RFX7: variants seen among roughly 807,000 people sequenced by gnomAD.
RFX7 encodes regulatory factor X7, also known as DNA-binding protein RFX7.
In RFX7, 26 loss-of-function variants were observed where a neutral mutation model predicts 111.8. That is an observed-to-expected ratio of 0.23 (90% CI 0.17 to 0.32). RFX7 has a LOEUF of 0.32. Ranked by LOEUF, RFX7 falls within the 10% of genes least tolerant of loss-of-function variation. RFX7 has a pLI of 1.00. For synonymous variants in RFX7, 624 were observed against 624.4 expected (o/e 1.00, Z 0.01); for missense variants, 1,573 against 1,772.9 (o/e 0.89, Z 2.02).
At position 56,090,468 on chromosome 15, in the gene RFX7, T is replaced by C. The variant is rs917758615; in HGVS notation, c.*2877A>G. 6.6e-6 allele frequency: 1 copy of C among 152,580 alleles called. No individual in the cohort carries two copies. Among genetic ancestry groups the C allele is most frequent in the African/African-American group, 2.4e-5 (1 of 41,458 alleles). 9.5% of individuals were successfully genotyped at this position (152,580 alleles called of 1,614,324 possible). ...TAATGACATCAAAGGAAGAATAACA[T>C]TGGGTCTGTTTACAAAATGTGTTGC... On this transcript the variant is annotated 3_prime_UTR_variant, in exon 10 of 10. Transcript: ENST00000559447.
chr15:56,151,240 C>A (rs982884427), intron 3 of RFX7, among the ~76,000 whole-genome samples: 1 of 151,980 alleles, frequency 6.6e-6, no homozygotes, highest in Non-Finnish European at 1.5e-5. Flanking sequence ...GAAGAGCAAC[C>A]CCAAGACACA....
At chr15:56,167,279 C>G (rs2042794380) in intron 3 of RFX7, among the ~76,000 whole-genome samples, 1 of 152,062 alleles carries the variant, frequency 6.6e-6, no homozygotes, top group Admixed American at 6.6e-5. Flanking sequence ...TGGCACTGCA[C>G]TCCAAACTGG....
chr15:56,094,157 A>G lies in RFX7; in HGVS notation c.3571T>C (p.Ser1191Pro). 1 of 1,613,942 alleles carries G rather than the reference A, an allele frequency of 6.2e-7. No individual in the cohort carries two copies. Among genetic ancestry groups the G allele is most frequent in the South Asian group, 1.1e-5 (1 of 91,086 alleles). Residue 1191 changes from serine (S) to proline (P), a missense_variant, in exon 10 of 10, where the codon TCT becomes CCT. By Grantham distance (74) the Ser-to-Pro change is moderately conservative. Around this residue, in one of 7 missense-constraint regions of RFX7, gnomAD observed 411 missense variants for 478.1 expected, o/e 0.86. Transcript: ENST00000559447. ...GGACTTCCAAAGGGGGTCACATTAG[A>G]TCGTGGGATATTAGATACTGGATAG... ...TLYPVSNIPRSNVTPFGSPVT... is the reference protein window; with the variant it reads ...TLYPVSNIPRPNVTPFGSPVT...
At chr15:56,226,613 A>G (rs1253153310) in intron 2 of RFX7, among the ~76,000 whole-genome samples, 1 of 152,194 alleles carries the variant, frequency 6.6e-6, no homozygotes, top group African/African-American at 2.4e-5. Context: ...GAGCTGAGAA[A>G]GAAAACCCAG....
In RFX7 at chr15:56,142,895, T is replaced by C; in HGVS notation, c.284A>G (p.Gln95Arg). The C allele has an allele frequency of 1.2e-6, 2 of 1,613,430 alleles. No homozygotes were observed. Among genetic ancestry groups the C allele is most frequent in the Non-Finnish European group, 1.7e-6 (2 of 1,179,664 alleles). Reference sequence around the variant, plus strand: ...TGCCCGACTAGATGACATGGCATTCTGATCACTAATAGAATGAAAACATGT... The same window carrying C: ...TGCCCGACTAGATGACATGGCATTCCGATCACTAATAGAATGAAAACATGT... The part of the protein sequence containing the change: ...SGLSNGEKSD[Q>R]NAMSSSRAQQ... Residue 95 changes from glutamine (Q) to arginine (R), a missense_variant, in exon 5 of 10, where the codon CAG (glutamine) becomes CGG (arginine). Transcript: ENST00000559447.
intron 2 of RFX7, among the ~76,000 whole-genome samples, chr15:56,227,246 T>C (rs569575145): frequency 2.6e-4 from 40 of 152,288 alleles, no homozygotes; most frequent in African/African-American, 9.4e-4. Flanking sequence ...AATGATAAAA[T>C]GAAATTGGTT....
chr15:56,154,929 A>T (rs912062157), intron 3 of RFX7, among the ~76,000 whole-genome samples: 2 of 152,208 alleles, frequency 1.3e-5, no homozygotes, highest in Non-Finnish European at 2.9e-5. Flanking sequence ...AAACAAACTT[A>T]CAAGAAAAAA....
chr15:56,102,932 CAA>C (rs2041776743), intron 6 of RFX7, among the ~76,000 whole-genome samples: 1 of 152,116 alleles, frequency 6.6e-6, no homozygotes, highest in Non-Finnish European at 1.5e-5. Flanking sequence ...CTCTATTTTA[CAA>C]TCTTCTTCTA....
chr15:56,187,840 T>C (rs533966479), intron 2 of RFX7, among the ~76,000 whole-genome samples: 1 of 152,030 alleles, frequency 6.6e-6, no homozygotes, highest in Admixed American at 6.6e-5. Context: ...AAACAAAAAG[T>C]CAACACTCAT....
At chr15:56,111,423 C>G (rs1315060212) in intron 5 of RFX7, among the ~76,000 whole-genome samples, 1 of 151,316 alleles carries the variant, frequency 6.6e-6, no homozygotes, top group Non-Finnish European at 1.5e-5. Context: ...GCAAGATGTG[C>G]TTTGTTAAAC....
At chr15:56,200,141 T>G (rs780892677) in intron 2 of RFX7, among the ~76,000 whole-genome samples, 1 of 152,166 alleles carries the variant, frequency 6.6e-6, no homozygotes, top group South Asian at 2.1e-4. Flanking sequence ...TGCCCTCTAG[T>G]GCTGAACCTT....
rs2043724505 is a variant in RFX7 at position 56,243,042 on chromosome 15, TC to T, written c.161+82del. 1.8e-4 allele frequency: 96 copies of T among 543,110 alleles called. 1 individual carries two copies. The highest frequency in any genetic ancestry group is 1.4e-3 in the South Asian group (89 of 64,674). 33.6% of individuals were successfully genotyped at this position (543,110 alleles called of 1,614,324 possible). A position where few individuals can be genotyped will look rare whatever the true frequency, so the allele number is the denominator to read the frequency against. On this transcript the variant is annotated intron_variant, in intron 2 of 9. Coordinates refer to ENST00000559447, the MANE Select transcript of RFX7 (RefSeq NM_022841.7). ...TGAATGCATCAGCCTCCTCCTCCGC[TC>T]CCCCCGCCCGCCGCCCCCCACCCAC...
intron 3 of RFX7, among the ~76,000 whole-genome samples, 196 bp from the exon 4 acceptor site, chr15:56,144,679 G>T (rs1567025888): frequency 6.6e-6 from 1 of 151,976 alleles, no homozygotes; most frequent in Admixed American, 6.5e-5. Flanking sequence ...TTTAATAAAA[G>T]AAAATGGCAC....
intron 2 of RFX7, among the ~76,000 whole-genome samples, chr15:56,218,464 T>G (rs989378670): frequency 6.6e-6 from 1 of 152,140 alleles, no homozygotes; most frequent in African/African-American, 2.4e-5. Context: ...GAAGAATGTA[T>G]GCAGTTACAT....
At chr15:56,139,349 G>A (rs1418225601) in intron 5 of RFX7, among the ~76,000 whole-genome samples, 6 of 151,798 alleles carry the variant, frequency 4.0e-5, no homozygotes, top group African/African-American at 7.3e-5. Flanking sequence ...TTCCCTTCTC[G>A]CTTCATTTCA....
chr15:56,227,011 A>T (rs1205182090), intron 2 of RFX7, among the ~76,000 whole-genome samples: 1 of 152,212 alleles, frequency 6.6e-6, no homozygotes, highest in Non-Finnish European at 1.5e-5. Context: ...AACCTGTTTT[A>T]AAAAAATCAG....
At chr15:56,197,459 C>G (rs1567043630) in intron 2 of RFX7, among the ~76,000 whole-genome samples, 1 of 152,030 alleles carries the variant, frequency 6.6e-6, no homozygotes, top group South Asian at 2.1e-4. Flanking sequence ...TTCTTCTAAA[C>G]TTTTGCTTTT....
chr15:56,089,231 T>C lies in RFX7; in HGVS notation c.*4114A>G, dbSNP rs532111995. The C allele has an allele frequency of 6.6e-6, 1 of 152,626 alleles. No homozygotes were observed. The highest frequency in any genetic ancestry group is 1.9e-4 in the East Asian group (1 of 5,176). 9.5% of individuals were successfully genotyped at this position (152,626 alleles called of 1,614,324 possible). A position where few individuals can be genotyped will look rare whatever the true frequency, so the allele number is the denominator to read the frequency against. Reference sequence around the variant, plus strand: ...TAATGGAAGATTCTGAGATTTTTTTTTCTCTCTGATAAAAGGCTAAGAACT... The same window carrying C: ...TAATGGAAGATTCTGAGATTTTTTTCTCTCTCTGATAAAAGGCTAAGAACT... On this transcript the variant is annotated 3_prime_UTR_variant, in exon 10 of 10. Transcript: ENST00000559447.
intron 3 of RFX7, among the ~76,000 whole-genome samples, chr15:56,165,375 A>C (rs767744007): frequency 6.6e-6 from 1 of 152,242 alleles, no homozygotes; most frequent in Non-Finnish European, 1.5e-5. Flanking sequence ...AACCTGACTC[A>C]CTACACAATT....
Sources: allele counts gnomAD v4.1 joint callset (sites outside exome capture counted in the v4.1 genomes callset), GRCh38; gene constraint gnomAD v4.1.1; regional missense constraint gnomAD v4.1.1; transcripts MANE v1.5; gene names NCBI Gene and HGNC (gene_info 2026-07-23, HGNC 2026-07-21).